Variants in ATOSA observed in about 807,000 individuals in gnomAD.
ATOSA encodes atos homolog protein A.
the ATOSA span, among the ~76,000 whole-genome samples, chr15:52,652,441 T>C: frequency 6.6e-6 from 1 of 152,168 alleles, no homozygotes; most frequent in East Asian, 1.9e-4. Context: ...TCTGAAAATG[T>C]ATAAATACAA....
the ATOSA span, chr15:52,678,299 C>A: frequency 1.7e-6 from 1 of 591,378 alleles, no homozygotes; most frequent in South Asian, 2.1e-5. Flanking sequence ...GATCGAGCAC[C>A]CCCTTCCCTG....
At chr15:52,646,743 A>G in the ATOSA span, among the ~76,000 whole-genome samples, 1 of 152,148 alleles carries the variant, frequency 6.6e-6, no homozygotes, top group Admixed American at 6.5e-5. Context: ...TCATACTCTG[A>G]CTATAAACAA....
the ATOSA span, among the ~76,000 whole-genome samples, chr15:52,705,271 C>T: frequency 3.9e-5 from 6 of 151,924 alleles, no homozygotes; most frequent in Admixed American, 6.6e-5. Context: ...AACCAAACAC[C>T]GCATGTTCTC....
the ATOSA span, among the ~76,000 whole-genome samples, chr15:52,673,873 G>T: frequency 1.8e-3 from 279 of 152,304 alleles, 1 homozygote; most frequent in East Asian, 0.025. Context: ...ATAAGCCACT[G>T]AAATTCTAAG....
At chr15:52,661,356 G>C in the ATOSA span, among the ~76,000 whole-genome samples, 4 of 152,158 alleles carry the variant, frequency 2.6e-5, no homozygotes, top group Non-Finnish European at 4.4e-5. Flanking sequence ...CCAGAACCTA[G>C]AGGCAATTGT....
the ATOSA span, chr15:52,581,934 A>T: frequency 2.5e-6 from 1 of 399,254 alleles, no homozygotes; most frequent in East Asian, 3.8e-5. Context: ...CAACATGTCC[A>T]ATGAAGTGGT....
chr15:52,627,379 A>C, the ATOSA span, among the ~76,000 whole-genome samples: 14 of 152,140 alleles, frequency 9.2e-5, no homozygotes, highest in African/African-American at 3.1e-4. Flanking sequence ...TCAACTATAA[A>C]CTCTATTAGT....
At chr15:52,592,674 T>C in the ATOSA span, among the ~76,000 whole-genome samples, 1 of 152,122 alleles carries the variant, frequency 6.6e-6, no homozygotes, top group East Asian at 1.9e-4. Context: ...AAAACAAAAA[T>C]CACACAAAAA....
chr15:52,705,811 T>G, the ATOSA span, among the ~76,000 whole-genome samples: 14 of 152,202 alleles, frequency 9.2e-5, no homozygotes, highest in African/African-American at 3.4e-4. Context: ...CATAGATTAG[T>G]TTTGTCTGTT....
chr15:52,702,071 A>G, the ATOSA span, among the ~76,000 whole-genome samples: 1 of 152,196 alleles, frequency 6.6e-6, no homozygotes, highest in Admixed American at 6.5e-5. Context: ...TGTATGGGAT[A>G]CCATTTCATA....
At chr15:52,648,679 A>G in the ATOSA span, 1 of 152,168 alleles carries the variant, frequency 6.6e-6, no homozygotes, top group Non-Finnish European at 1.5e-5. Flanking sequence ...AAATTTAGCA[A>G]TGTTAAAGAA....
the ATOSA span, chr15:52,585,275 T>C: frequency 5.6e-6 from 1 of 179,786 alleles, no homozygotes. Flanking sequence ...TACATCCTTA[T>C]TGGGTTAAAA....
chr15:52,622,799 T>C, the ATOSA span, among the ~76,000 whole-genome samples: 2 of 151,538 alleles, frequency 1.3e-5, no homozygotes, highest in South Asian at 4.2e-4. Flanking sequence ...GAGGCTGAAA[T>C]TGCAGTGGGG....
the ATOSA span, among the ~76,000 whole-genome samples, chr15:52,662,587 A>G: frequency 0.05 from 7,639 of 151,706 alleles, 482 homozygotes; most frequent in African/African-American, 0.15. Context: ...TGGCTAACAC[A>G]GTGAAACCCC....
chr15:52,599,882 C>A, the ATOSA span, among the ~76,000 whole-genome samples: 1 of 152,172 alleles, frequency 6.6e-6, no homozygotes, highest in South Asian at 2.1e-4. Flanking sequence ...GTAACAGATT[C>A]CTCAATCCAA....
chr15:52,621,121 A>G, the ATOSA span, among the ~76,000 whole-genome samples: 1 of 152,208 alleles, frequency 6.6e-6, no homozygotes, highest in Non-Finnish European at 1.5e-5. Context: ...GCATCAACCT[A>G]AATATTCAAC....
At chr15:52,605,042 A>T in the ATOSA span, 8 of 875,552 alleles carry the variant, frequency 9.1e-6, no homozygotes, top group Admixed American at 8.9e-5. Context: ...AGATATTTAA[A>T]TTTTTTTCAA....
At chr15:52,609,478 A>G in the ATOSA span, 1 of 1,613,728 alleles carries the variant, frequency 6.2e-7, no homozygotes, top group South Asian at 1.1e-5. Flanking sequence ...CCGCTCCTGG[A>G]GTAAAGAGCC....
chr15:52,629,752 A>G, the ATOSA span: 9 of 222,318 alleles, frequency 4.0e-5, no homozygotes, highest in South Asian at 9.4e-5. Context: ...CAGTGAGCTG[A>G]GATTGTGCCA....
Sources: gnomAD v4.1 joint callset for allele counts (sites outside exome capture counted in the v4.1 genomes callset) on GRCh38, gnomAD v4.1.1 for gene constraint, MANE v1.5 for transcripts, NCBI Gene and HGNC (gene_info 2026-07-23, HGNC 2026-07-21) for gene names.